The following SNX29 variants were observed in gnomAD, a reference collection of about 807,000 sequenced individuals.
SNX29 encodes the protein sorting nexin-29.
SNX29 carries 78 observed loss-of-function variants against 102.1 expected under a neutral mutation model. The ratio of observed to expected loss-of-function variants is 0.76; its 90% CI spans 0.64 to 0.92. The LOEUF (loss-of-function observed/expected upper bound fraction) is 0.92. SNX29 is among the 40% of genes least tolerant of loss of function. The probability of loss-of-function intolerance (pLI) is 0.00; values close to 1 mark genes in which losing one functional copy is unlikely to be tolerated. For synonymous variants in SNX29, 580 were observed against 414.5 expected (o/e 1.40, Z -4.85); for missense variants, 1,280 against 1,061.7 (o/e 1.21, Z -2.86).
At chr16:12,455,398 A>G (rs1187356313) in intron 18 of SNX29, among the ~76,000 whole-genome samples, 2 of 151,896 alleles carry the variant, frequency 1.3e-5, no homozygotes, top group African/African-American at 2.4e-5. Flanking sequence ...AGCCCTGCAT[A>G]CCGGCTTGGC....
intron 13 of SNX29, among the ~76,000 whole-genome samples, chr16:12,155,970 G>A (rs1032234984): frequency 1.3e-5 from 2 of 152,208 alleles, no homozygotes; most frequent in African/African-American, 4.8e-5. Context: ...TTGACATGAT[G>A]CAGTGCTCCC....
intron 5 of SNX29, among the ~76,000 whole-genome samples, chr16:12,045,610 A>ATTAT (rs2050054355): frequency 7.9e-6 from 1 of 127,294 alleles, no homozygotes. Flanking sequence ...GGCAGGCATT[A>ATTAT]TATTATTATT....
chr16:12,420,867 C>A (rs1314183837), intron 18 of SNX29, among the ~76,000 whole-genome samples: 1 of 152,116 alleles, frequency 6.6e-6, no homozygotes, highest in African/African-American at 2.4e-5. Context: ...AAGTGATGAG[C>A]GAGGGAAGGA....
rs1418259246 is a variant in SNX29, at chr16:12,573,168, T to TA, written c.*4541dup. The TA allele has an allele frequency of 8.8e-6, 2 of 226,228 alleles. No individual in the cohort carries two copies. The highest frequency in any genetic ancestry group is 1.8e-5 in the Non-Finnish European group (2 of 113,838). The allele number at this position is 226,228 out of a possible 1,614,324, so 14.0% of individuals were successfully genotyped here. The stretch of plus-strand genomic sequence containing the variant: ...GCTTCAGCTCCTTGGTCAATAGAAG[T>TA]AAGGGTGTAGCCATCCAGGGTCTCC... On this transcript the variant is annotated 3_prime_UTR_variant, in exon 21 of 21. Transcript: ENST00000566228.
rs116887417 is a variant in SNX29, at chr16:12,390,436, G to A, written c.1900-8010G>A. Among the ~76,000 whole-genome samples, 325 of 152,254 alleles carry A rather than the reference G, an allele frequency of 2.1e-3. 13 individuals are homozygous for A. The East Asian group carries it at 0.053, about 25-fold the overall frequency. ...CAGCCTTAACTGTCTAATGAATTGTGCTGACTGCTGTGTGGAGACTGTCTC... is the reference window on the plus strand; with the variant it reads ...CAGCCTTAACTGTCTAATGAATTGTACTGACTGCTGTGTGGAGACTGTCTC... On this transcript the variant is annotated intron_variant, in intron 16 of 20. Coordinates refer to ENST00000566228, the MANE Select transcript of SNX29 (RefSeq NM_032167.5).
At chr16:12,540,078 CT>C (rs1567675730) in intron 20 of SNX29, among the ~76,000 whole-genome samples, 6 of 152,186 alleles carry the variant, frequency 3.9e-5, no homozygotes, top group Non-Finnish European at 5.9e-5. Context: ...GGTGTCATGT[CT>C]ACCAATTGTT....
At chr16:12,544,287 G>C (rs968594976) in intron 20 of SNX29, among the ~76,000 whole-genome samples, 19 of 152,170 alleles carry the variant, frequency 1.2e-4, no homozygotes, top group Admixed American at 2.6e-4. Flanking sequence ...CTCTCAGTAC[G>C]GCATCCAGGC....
intron 15 of SNX29, among the ~76,000 whole-genome samples, chr16:12,296,939 A>C (rs1030440517): frequency 6.6e-6 from 1 of 152,162 alleles, no homozygotes; most frequent in Non-Finnish European, 1.5e-5. Context: ...TCCTGTGTGT[A>C]GTAGGATGTT....
At chr16:12,355,227 C>A (rs545392380) in intron 15 of SNX29, among the ~76,000 whole-genome samples, 2 of 152,212 alleles carry the variant, frequency 1.3e-5, no homozygotes, top group South Asian at 4.1e-4. Context: ...ACCCTTCATA[C>A]AACAACAAAA....
intron 13 of SNX29, among the ~76,000 whole-genome samples, chr16:12,159,333 C>T (rs1430202052): frequency 1.3e-5 from 2 of 152,220 alleles, no homozygotes; most frequent in African/African-American, 4.8e-5. Context: ...TGTTGGGCTG[C>T]TTCTCAAGAA....
At chr16:12,137,283 A>G (rs1252171070) in intron 13 of SNX29, among the ~76,000 whole-genome samples, 1 of 152,236 alleles carries the variant, frequency 6.6e-6, no homozygotes, top group African/African-American at 2.4e-5. Flanking sequence ...TCTTGGCTGT[A>G]GGTGGCTGGG....
chr16:12,147,510 G>A, intron 13 of SNX29, among the ~76,000 whole-genome samples: 1 of 152,170 alleles, frequency 6.6e-6, no homozygotes, highest in East Asian at 1.9e-4. Flanking sequence ...ATAGCAGAAT[G>A]GTTTTGAGGG....
chr16:12,542,439 T>C (rs1345883030), intron 20 of SNX29, among the ~76,000 whole-genome samples: 1 of 152,092 alleles, frequency 6.6e-6, no homozygotes, highest in Admixed American at 6.5e-5. Context: ...AAGTTCAATT[T>C]TGTTTCCTCA....
intron 20 of SNX29, among the ~76,000 whole-genome samples, chr16:12,552,413 G>T (rs565060829): frequency 6.6e-6 from 1 of 152,184 alleles, no homozygotes; most frequent in Non-Finnish European, 1.5e-5. Context: ...TGGTGAGGAC[G>T]TGGTCAGTTC....
intron 15 of SNX29, among the ~76,000 whole-genome samples, chr16:12,349,307 A>G (rs1012632452): frequency 6.6e-6 from 1 of 152,250 alleles, no homozygotes; most frequent in African/African-American, 2.4e-5. Flanking sequence ...GCCAAGGTCA[A>G]AGAGAGCTAT....
chr16:12,307,788 A>G (rs2080387238), intron 15 of SNX29, among the ~76,000 whole-genome samples: 1 of 152,218 alleles, frequency 6.6e-6, no homozygotes, highest in East Asian at 1.9e-4. Flanking sequence ...GTAGCCATCA[A>G]TGGCAAAACA....
chr16:12,395,583 C>T (rs2083688802), intron 16 of SNX29, among the ~76,000 whole-genome samples: 1 of 152,192 alleles, frequency 6.6e-6, no homozygotes, highest in African/African-American at 2.4e-5. Flanking sequence ...GCTGCCTTCT[C>T]TGCAGGGTCA....
chr16:12,561,152 A>T (rs1598060642), intron 20 of SNX29: 2 of 229,470 alleles, frequency 8.7e-6, no homozygotes, highest in Non-Finnish European at 1.7e-5. Context: ...GTTGCCTAGG[A>T]ATGAATTCAA....
intron 20 of SNX29, among the ~76,000 whole-genome samples, chr16:12,559,508 AAC>A (rs369075614): frequency 2.1e-4 from 32 of 151,980 alleles, no homozygotes; most frequent in Admixed American, 8.5e-4. Flanking sequence ...GTACAAATGT[AAC>A]ACACTTTGTA....
Sources: gnomAD v4.1 joint callset for allele counts (sites outside exome capture counted in the v4.1 genomes callset) on GRCh38, gnomAD v4.1.1 for gene constraint, MANE v1.5 for transcripts, NCBI Gene and HGNC (gene_info 2026-07-23, HGNC 2026-07-21) for gene names.